Variants in TIGAR observed in about 807,000 individuals in gnomAD.
TIGAR encodes fructose-2,6-bisphosphatase TIGAR.
Under a neutral mutation model 17.9 loss-of-function variants are expected in TIGAR, and 7 were observed. The ratio of observed to expected loss-of-function variants is 0.39; its 90% CI spans 0.22 to 0.73. TIGAR has a LOEUF of 0.73. Among genes scored for constraint, TIGAR ranks in the 30% least tolerant of loss-of-function variants. The probability of loss-of-function intolerance (pLI) is 0.42; values close to 1 mark genes in which losing one functional copy is unlikely to be tolerated. For synonymous variants in TIGAR, 94 were observed against 108.6 expected, an observed-to-expected ratio of 0.87 and a Z score of 0.84; for missense variants, 258 against 327.4, an observed-to-expected ratio of 0.79 and a Z score of 1.64.
chr12:4,334,495 G>A (rs1864637731), intron 2 of TIGAR, among the ~76,000 whole-genome samples: 1 of 152,100 alleles, frequency 6.6e-6, no homozygotes, highest in Admixed American at 6.6e-5. Flanking sequence ...ACCTAATAAA[G>A]TATAATATTA....
chr12:4,345,839 A>C (rs1864772936), intron 3 of TIGAR, among the ~76,000 whole-genome samples: 1 of 152,252 alleles, frequency 6.6e-6, no homozygotes, highest in African/African-American at 2.4e-5. Flanking sequence ...AGAATGGGAG[A>C]AAATTTTTCC....
At chr12:4,331,169 A>G in intron 1 of TIGAR, 111 bp from the exon 2 acceptor site, 1 of 922,668 alleles carries the variant, frequency 1.1e-6, no homozygotes, top group Non-Finnish European at 1.8e-6. Flanking sequence ...GTGTGTTACA[A>G]GTTTCACATG....
At chr12:4,323,102 C>CAAA (rs574120048) in intron 1 of TIGAR, among the ~76,000 whole-genome samples, 14 of 90,964 alleles carry the variant, frequency 1.5e-4, no homozygotes, top group African/African-American at 5.4e-4. Context: ...CTCCTCTCTA[C>CAAA]AAAAAAAAAA....
At chr12:4,322,122 G>C (rs1160145637) in intron 1 of TIGAR, among the ~76,000 whole-genome samples, 1 of 152,068 alleles carries the variant, frequency 6.6e-6, no homozygotes, top group Admixed American at 6.5e-5. Flanking sequence ...TCAGCCTCCC[G>C]AGTAGCTGGG....
At chr12:4,336,711 G>GC (rs1371456403) in intron 2 of TIGAR, among the ~76,000 whole-genome samples, 1 of 152,080 alleles carries the variant, frequency 6.6e-6, no homozygotes, top group Non-Finnish European at 1.5e-5. Flanking sequence ...TGGTCCTACC[G>GC]CCCCAACACA....
chr12:4,333,125 T>G (rs551714809), intron 2 of TIGAR, among the ~76,000 whole-genome samples: 1 of 152,338 alleles, frequency 6.6e-6, no homozygotes, highest in East Asian at 1.9e-4. Context: ...TAAAGTCTTA[T>G]TTTTCTGACA....
At chr12:4,341,557 C>G (rs1158461523) in intron 3 of TIGAR, among the ~76,000 whole-genome samples, 5 of 152,228 alleles carry the variant, frequency 3.3e-5, no homozygotes, top group African/African-American at 1.2e-4. Flanking sequence ...GAGGAGCGAT[C>G]AGGCAGCAAC....
intron 2 of TIGAR, among the ~76,000 whole-genome samples, 155 bp from the exon 3 acceptor site, chr12:4,336,884 C>G (rs1864665888): frequency 6.6e-6 from 1 of 152,168 alleles, no homozygotes; most frequent in Non-Finnish European, 1.5e-5. Flanking sequence ...CTTATTTTTA[C>G]TTGCTAATAA....
intron 1 of TIGAR, among the ~76,000 whole-genome samples, chr12:4,331,013 G>A (rs1864597957): frequency 6.6e-6 from 1 of 152,090 alleles, no homozygotes; most frequent in South Asian, 2.1e-4. Context: ...TTTTTTAGTA[G>A]GATTTTCCAC....
chr12:4,351,715 A>C (rs936993503), intron 5 of TIGAR, among the ~76,000 whole-genome samples: 1 of 152,210 alleles, frequency 6.6e-6, no homozygotes, highest in Non-Finnish European at 1.5e-5. Flanking sequence ...GAAGTCTTCA[A>C]GCCTCTGCTG....
rs939927328 is a variant in TIGAR, at chr12:4,359,488, T to C, written c.*6797T>C. ...TGAAATGAAAGACGCCTGGTGTGCA[T>C]GGTATTTAGAAACCAAGATCTCGGT... On this transcript the variant is annotated 3_prime_UTR_variant, in exon 6 of 6. Coordinates refer to ENST00000179259, the MANE Select transcript of TIGAR (RefSeq NM_020375.3). 6.6e-6 allele frequency among the ~76,000 whole-genome samples: 1 copy of C among 152,120 alleles called. No individual in the cohort carries two copies. The highest frequency in any genetic ancestry group is 2.4e-5 in the African/African-American group (1 of 41,434).
intron 1 of TIGAR, chr12:4,324,916 G>T: frequency 1.1e-4 from 33 of 305,640 alleles, no homozygotes; most frequent in East Asian, 1.2e-4. Flanking sequence ...ATTTAAAAAT[G>T]AATTAGTAAA....
Position 4,360,019 on chromosome 12 carries a change from C to T in TIGAR, c.*7328C>T, listed in dbSNP as rs1200381856. On this transcript the variant is annotated 3_prime_UTR_variant, in exon 6 of 6. Transcript: ENST00000179259. Reference sequence around the variant, plus strand: ...GTGAAATGTGTATTAAAATCTTATCCATTAAAAAATTGTGTCATCTTTTTA... The same window carrying T: ...GTGAAATGTGTATTAAAATCTTATCTATTAAAAAATTGTGTCATCTTTTTA... 1.3e-5 allele frequency among the ~76,000 whole-genome samples: 2 copies of T among 151,844 alleles called. No homozygotes were observed. The highest frequency in any genetic ancestry group is 4.8e-5 in the African/African-American group (2 of 41,326).
chr12:4,328,484 A>C (rs1270110778), intron 1 of TIGAR, among the ~76,000 whole-genome samples: 1 of 150,692 alleles, frequency 6.6e-6, no homozygotes, highest in Non-Finnish European at 1.5e-5. Context: ...GAGCCACTGC[A>C]TGTGGCCTAG....
At chr12:4,346,526 T>A (rs951313884) in intron 3 of TIGAR, among the ~76,000 whole-genome samples, 3 of 152,086 alleles carry the variant, frequency 2.0e-5, no homozygotes, top group Non-Finnish European at 2.9e-5. Context: ...AACACCGCGT[T>A]TTCTCACTCG....
chr12:4,337,012 A>G, intron 2 of TIGAR, 27 bp from the exon 3 acceptor site: 1 of 1,572,450 alleles, frequency 6.4e-7, no homozygotes, highest in Non-Finnish European at 8.7e-7. Flanking sequence ...TTTGAATGTT[A>G]TTGTTCCTCT....
At chr12:4,335,246 A>G (rs2120663277) in intron 2 of TIGAR, among the ~76,000 whole-genome samples, 1 of 152,168 alleles carries the variant, frequency 6.6e-6, no homozygotes, top group Non-Finnish European at 1.5e-5. Flanking sequence ...CATGTTGGCC[A>G]GTCTGACTTT....
chr12:4,342,966 A>G lies in TIGAR; in HGVS notation c.192+5806A>G, dbSNP rs1205854180. On this transcript the variant is annotated intron_variant, in intron 3 of 5. Transcript: ENST00000179259. ...CAACTTGGATAAAGAGTCAAGACCC[A>G]TCAGTGTGCTGTATTCAGGAAATCC... Among the ~76,000 whole-genome samples, 3 of 152,232 alleles carry G rather than the reference A, an allele frequency of 2.0e-5. No individual in the cohort carries two copies. The East Asian group carries it at 5.8e-4, about 29-fold the overall frequency.
rs770892322 is a variant in TIGAR at position 4,351,368 on chromosome 12, G to A, written c.372G>A (p.Thr124=). ...CPVFTPPGGE[T]LDQVKMRGID... ...TGTTTACACCGCCCGGAGGAGAGAC[G>A]CTGGACCAGGTATGTGGCGCTGCCG... is the stretch of plus-strand genomic sequence containing the variant. The change falls in exon 5 of 6, where the codon ACG becomes ACA. Residue 124 remains threonine, a synonymous_variant. Coordinates refer to ENST00000179259, the MANE Select transcript of TIGAR (RefSeq NM_020375.3). The A allele has an allele frequency of 3.9e-5, 63 of 1,613,766 alleles. No individual in the cohort carries two copies. The highest frequency in any genetic ancestry group is 3.3e-4 in the Middle Eastern group (2 of 6,066).
Sources: gnomAD v4.1 joint callset for allele counts (sites outside exome capture counted in the v4.1 genomes callset) on GRCh38, gnomAD v4.1.1 for gene constraint, MANE v1.5 for transcripts, NCBI Gene and HGNC (gene_info 2026-07-23, HGNC 2026-07-21) for gene names.